Variants in HDGF observed in about 807,000 individuals in gnomAD.
The protein encoded by HDGF is hepatoma-derived growth factor.
In HDGF, 5 loss-of-function variants were observed where a neutral mutation model predicts 30.0. The observed-to-expected ratio is 0.17, with a 90% CI of 0.09 to 0.35. The LOEUF is 0.35. Ranked by LOEUF, HDGF falls within the 10% of genes least tolerant of loss-of-function variation. HDGF has a pLI of 1.00. For missense variants in HDGF, 214 were observed against 302.8 expected (o/e 0.71, Z 2.18); for synonymous variants, 133 against 112.7 (o/e 1.18, Z -1.14).
At position 156,746,065 on chromosome 1, in the gene HDGF, G is replaced by C. The variant is rs551612049; in HGVS notation, c.88-692C>G. ...CAGTCTCTAATACTCACTCACTCCT[G>C]ATCATCCTTATAGCCTCAGCTCCGC... On this transcript the variant is annotated intron_variant, in intron 1 of 5. Coordinates refer to ENST00000357325, the MANE Select transcript of HDGF (RefSeq NM_004494.3). Among the ~76,000 whole-genome samples the C allele has an allele frequency of 7.9e-5, 12 of 152,252 alleles. No individual in the cohort carries two copies. The South Asian group carries it at 2.5e-3, about 32-fold the overall frequency.
At position 156,751,405 on chromosome 1, in the gene HDGF, C is replaced by T. The variant is rs1202192764; in HGVS notation, c.25G>A (p.Glu9Lys). Reference protein sequence around the residue: MSRSNRQKEYKCGDLVFAK... With the variant: MSRSNRQKKYKCGDLVFAK... ...AACACCAGGTCCCCGCATTTGTACT[C>T]CTTCTGCCGGTTGGATCGCGACATG... The change falls in exon 1 of 6, where the codon GAG becomes AAG. Residue 9 changes from glutamate (E) to lysine (K), a missense_variant. Glu to Lys is a moderately conservative substitution (Grantham distance 56). Transcript: ENST00000357325. The surrounding 1 kb of genome is among the most constrained non-coding windows in gnomAD (Gnocchi z 4.7). The T allele has an allele frequency of 6.3e-7, 1 of 1,599,220 alleles. No homozygotes were observed. Among genetic ancestry groups the T allele is most frequent in the East Asian group, 2.3e-5 (1 of 43,236 alleles).
upstream of HDGF, among the ~76,000 whole-genome samples, chr1:156,754,283 A>G (rs1488497005): frequency 1.3e-5 from 2 of 152,074 alleles, no homozygotes; most frequent in African/African-American, 2.4e-5. Flanking sequence ...AGCCCTTCCC[A>G]TTTCTCCACT....
At chr1:156,748,824 C>A (rs1194170790) in intron 1 of HDGF, among the ~76,000 whole-genome samples, 1 of 152,186 alleles carries the variant, frequency 6.6e-6, no homozygotes, top group Non-Finnish European at 1.5e-5. Flanking sequence ...ACCGGAAAAT[C>A]TGGGGCAGGA....
intron 1 of HDGF, among the ~76,000 whole-genome samples, chr1:156,761,194 T>C (rs1262874473): frequency 1.3e-5 from 2 of 152,040 alleles, no homozygotes; most frequent in African/African-American, 4.8e-5. Flanking sequence ...GTGCCTGTAA[T>C]CCCAGCTACT....
rs757136022 is a variant in HDGF, at chr1:156,744,205, GTTC to G, written c.444_446del (p.Lys148del). 100 of 1,613,908 alleles carry G rather than the reference GTTC, an allele frequency of 6.2e-5. No homozygotes were observed. Among genetic ancestry groups the G allele is most frequent in the Non-Finnish European group, 3.1e-5 (37 of 1,180,020 alleles). On this transcript the variant is annotated inframe_deletion, in exon 4 of 6. Coordinates refer to ENST00000357325, the MANE Select transcript of HDGF (RefSeq NM_004494.3). ...CTCTCCTCTTCAACGCTCCTTTCTCGTTCTTCTCCTTGGCTGGCTCATCAATGA... is the reference window on the plus strand; with the variant it reads ...CTCTCCTCTTCAACGCTCCTTTCTCGTTCTCCTTGGCTGGCTCATCAATGA...
Position 156,761,740 on chromosome 1 carries a change from G to A in HDGF, n.137-2521C>T, listed in dbSNP as rs557165943. On this transcript the variant is annotated intron_variant and non_coding_transcript_variant, in intron 1 of 7. Transcript: ENST00000465180. ...AGGCGGGCGGATCTTGAGGTCAAGA[G>A]ATCGAGACCATCCTGGCCAACATGG... Among the ~76,000 whole-genome samples, 219 of 151,966 alleles carry A rather than the reference G, an allele frequency of 1.4e-3. 3 individuals are homozygous for A. Among genetic ancestry groups the A allele is most frequent in the Admixed American group, 0.013 (193 of 15,256 alleles).
intron 1 of HDGF, 32 bp from the exon 2 acceptor site, chr1:156,745,405 G>C: frequency 1.3e-6 from 2 of 1,596,924 alleles, no homozygotes; most frequent in Non-Finnish European, 1.7e-6. Flanking sequence ...AGGTTAGCTA[G>C]AGTCCTGAGG....
chr1:156,757,097 T>A (rs1218732747), upstream of HDGF, among the ~76,000 whole-genome samples: 1 of 151,868 alleles, frequency 6.6e-6, no homozygotes, highest in East Asian at 1.9e-4. Context: ...CCAGCTTGGT[T>A]CTGTTTTTTT....
intron 1 of HDGF, among the ~76,000 whole-genome samples, chr1:156,750,282 C>A (rs1650870359): frequency 6.6e-6 from 1 of 152,102 alleles, no homozygotes; most frequent in Admixed American, 6.6e-5. Context: ...TGCCCTCGCC[C>A]AAAACCAAAG....
At chr1:156,755,129 G>A (rs577966622), upstream of HDGF, among the ~76,000 whole-genome samples, 2 of 152,120 alleles carry the variant, frequency 1.3e-5, no homozygotes, top group Non-Finnish European at 2.9e-5. Flanking sequence ...ATTCACAAAC[G>A]TCTCAGTGAA....
In HDGF at chr1:156,743,321, G is replaced by T; in HGVS notation, c.*128C>A. ...ATGGGCTGGGCTTGGAGTGGGAAAA[G>T]TGAGTAGAAGAGGAGAGCAGGTTGG... is the stretch of plus-strand genomic sequence containing the variant. On this transcript the variant is annotated 3_prime_UTR_variant, in exon 6 of 6. Coordinates refer to ENST00000357325, the MANE Select transcript of HDGF (RefSeq NM_004494.3). The T allele has an allele frequency of 1.9e-6, 2 of 1,028,196 alleles. No individual in the cohort carries two copies. The highest frequency in any genetic ancestry group is 2.8e-6 in the Non-Finnish European group (2 of 702,580). The allele number at this position is 1,028,196 out of a possible 1,614,324, so 63.7% of individuals were successfully genotyped here. A position where few individuals can be genotyped will look rare whatever the true frequency, so the allele number is the denominator to read the frequency against.
intron 1 of HDGF, among the ~76,000 whole-genome samples, chr1:156,749,340 C>T (rs1470916438): frequency 6.6e-6 from 1 of 152,232 alleles, no homozygotes; most frequent in African/African-American, 2.4e-5. Flanking sequence ...GGCTCTGCCT[C>T]TCTAGGGACT....
rs565033550 is a variant in HDGF at position 156,743,725 on chromosome 1, C to T, written c.643G>A (p.Glu215Lys). 6.2e-7 allele frequency: 1 copy of T among 1,603,718 alleles called. No homozygotes were observed. Among genetic ancestry groups the T allele is most frequent in the South Asian group, 1.1e-5 (1 of 89,794 alleles). The stretch of plus-strand genomic sequence containing the variant: ...TCTTCCTCTTCATCCTCCTCCTCTT[C>T]TTCCTCTTGGGGAGGCCCCCGGCCA... ...GSGRGPPQEE[E>K]EEEDEEEEAT... Residue 215 changes from glutamate (E) to lysine (K), a missense_variant, in exon 5 of 6, where the codon GAA becomes AAA. Transcript: ENST00000357325.
At chr1:156,766,334 C>T (rs1165391238) in intron 1 of HDGF, among the ~76,000 whole-genome samples, 3 of 152,162 alleles carry the variant, frequency 2.0e-5, no homozygotes, top group African/African-American at 7.2e-5. Context: ...TCTCTGGCTT[C>T]GCTCAACAGA....
At chr1:156,766,148 AGTTTGTCTCTGAAG>A (rs2102745651) in intron 1 of HDGF, among the ~76,000 whole-genome samples, 1 of 152,268 alleles carries the variant, frequency 6.6e-6, no homozygotes, top group African/African-American at 2.4e-5. Flanking sequence ...GGCAGCATGG[AGTTTGTCTCTGAAG>A]GGTGGAGAGG....
intron 1 of HDGF, among the ~76,000 whole-genome samples, chr1:156,749,150 C>T (rs1305562194): frequency 2.0e-5 from 3 of 152,200 alleles, no homozygotes; most frequent in African/African-American, 7.2e-5. Context: ...TGGGCTCTCT[C>T]TCAAGCACTG....
intron 1 of HDGF, among the ~76,000 whole-genome samples, chr1:156,749,306 A>C (rs1008579470): frequency 6.6e-6 from 1 of 152,216 alleles, no homozygotes; most frequent in Admixed American, 6.5e-5. Flanking sequence ...CTTACTTCTC[A>C]TCCATCTCAG....
intron 1 of HDGF, among the ~76,000 whole-genome samples, chr1:156,748,449 A>C (rs2102719527): frequency 6.6e-6 from 1 of 152,300 alleles, no homozygotes; most frequent in African/African-American, 2.4e-5. Context: ...GGTGGGGCCA[A>C]ATAGTGCTGG....
At chr1:156,765,477 T>C (rs1558041307) in intron 1 of HDGF, among the ~76,000 whole-genome samples, 2 of 129,606 alleles carry the variant, frequency 1.5e-5, no homozygotes, top group Admixed American at 7.8e-5. Flanking sequence ...TCTTTCTTTT[T>C]TTTTTTTTTT....
Sources: gnomAD v4.1 joint callset for allele counts (sites outside exome capture counted in the v4.1 genomes callset) on GRCh38, gnomAD v4.1.1 for gene constraint, Gnocchi (gnomAD v3.1) non-coding constraint, MANE v1.5 for transcripts, NCBI Gene and HGNC (gene_info 2026-07-23, HGNC 2026-07-21) for gene names.